Variants in SLC35F1 observed in about 807,000 individuals in gnomAD.
SLC35F1 encodes the protein chromosome 6 open reading frame 169.
A neutral mutation model predicts 48.7 loss-of-function variants in SLC35F1; 14 were observed. The ratio of observed to expected loss-of-function variants is 0.29; its 90% CI spans 0.19 to 0.45. SLC35F1 has a LOEUF of 0.45. Ranked by LOEUF, SLC35F1 falls within the 20% of genes least tolerant of loss-of-function variation. SLC35F1 has a pLI of 1.00. For synonymous variants in SLC35F1, 190 were observed against 202.2 expected, an observed-to-expected ratio of 0.94 and a Z score of 0.51; for missense variants, 404 against 500.0, an observed-to-expected ratio of 0.81 and a Z score of 1.83.
At position 117,916,435 on chromosome 6, in the gene SLC35F1, T is replaced by G. The variant is rs547690512; in HGVS notation, c.173+8536T>G. Among the ~76,000 whole-genome samples, 9 of 152,088 alleles carry G rather than the reference T, an allele frequency of 5.9e-5. No individual in the cohort carries two copies. In the South Asian group the frequency reaches 1.7e-3, roughly 28 times the overall value. ...TAAGAGTGAATTTGGATTCTGGGAG[T>G]GCATCTAATCATGGATGGGGGGAGC... is the stretch of plus-strand genomic sequence containing the variant. On this transcript the variant is annotated intron_variant, in intron 1 of 7. Coordinates refer to ENST00000360388, the MANE Select transcript of SLC35F1 (RefSeq NM_001029858.4).
intron 1 of SLC35F1, among the ~76,000 whole-genome samples, chr6:118,139,059 A>C (rs1455139843): frequency 6.6e-6 from 1 of 152,190 alleles, no homozygotes; most frequent in Non-Finnish European, 1.5e-5. Context: ...TTTCACAGTC[A>C]TGACGAAAAC....
intron 5 of SLC35F1, 38 bp from the exon 6 acceptor site, chr6:118,277,455 TA>T: frequency 6.3e-7 from 1 of 1,582,548 alleles, no homozygotes; most frequent in Non-Finnish European, 8.7e-7. Context: ...GAGTGCATTC[TA>T]ATCTTGCTCA....
At chr6:117,956,218 G>A (rs1776424695) in intron 1 of SLC35F1, among the ~76,000 whole-genome samples, 1 of 152,228 alleles carries the variant, frequency 6.6e-6, no homozygotes, top group African/African-American at 2.4e-5. Context: ...ACAAACAGGT[G>A]TTGGCTTAGG....
At position 118,085,487 on chromosome 6, in the gene SLC35F1, C is replaced by CTTTTTTTTTTTTTTTTTTTTTT. The variant is rs59548308; in HGVS notation, c.174-68951_174-68930dup. 3.0e-4 allele frequency among the ~76,000 whole-genome samples: 17 copies of CTTTTTTTTTTTTTTTTTTTTTT among 56,958 alleles called. 3 individuals are homozygous for CTTTTTTTTTTTTTTTTTTTTTT. Among genetic ancestry groups the CTTTTTTTTTTTTTTTTTTTTTT allele is most frequent in the Non-Finnish European group, 3.7e-4 (12 of 32,640 alleles). The allele number at this position is 56,958 out of a possible 152,430, so 37.4% of individuals were successfully genotyped here. A position where few individuals can be genotyped will look rare whatever the true frequency, so the allele number is the denominator to read the frequency against. The stretch of plus-strand genomic sequence containing the variant: ...TTTTCTCTTTTTTTTTCTTTCTTTC[C>CTTTTTTTTTTTTTTTTTTTTTT]TTTTTTTTTTTTTTTTTTTTTTTTT... On this transcript the variant is annotated intron_variant, in intron 1 of 7. Transcript: ENST00000360388.
intron 2 of SLC35F1, among the ~76,000 whole-genome samples, chr6:118,171,401 T>G (rs1582709778): frequency 6.6e-6 from 1 of 152,228 alleles, no homozygotes; most frequent in South Asian, 2.1e-4. Flanking sequence ...TCATACAAAT[T>G]GTTTCCAATT....
rs1776439845 is a variant in SLC35F1 at position 118,316,555 on chromosome 6, A to T, written c.*2303A>T. ...ATGTTTTCATCTTTGATTCATTTTT[A>T]TGACATTAATTTGTAGACACTTAGT... On this transcript the variant is annotated 3_prime_UTR_variant, in exon 8 of 8. Coordinates refer to ENST00000360388, the MANE Select transcript of SLC35F1 (RefSeq NM_001029858.4). 1 of 152,612 alleles carries T rather than the reference A, an allele frequency of 6.6e-6. No homozygotes were observed. Among genetic ancestry groups the T allele is most frequent in the African/African-American group, 2.4e-5 (1 of 41,444 alleles). 9.5% of individuals were successfully genotyped at this position (152,612 alleles called of 1,614,324 possible).
intron 1 of SLC35F1, among the ~76,000 whole-genome samples, chr6:117,990,601 G>T (rs1776905206): frequency 6.6e-6 from 1 of 152,126 alleles, no homozygotes; most frequent in Non-Finnish European, 1.5e-5. Flanking sequence ...CAGAGTGATT[G>T]CCTGTACACC....
intron 1 of SLC35F1, among the ~76,000 whole-genome samples, chr6:118,137,478 C>A (rs72961889): frequency 6.6e-6 from 1 of 151,866 alleles, no homozygotes; most frequent in Non-Finnish European, 1.5e-5. Flanking sequence ...GGAGTTCCCC[C>A]CTCCTACTCC....
intron 6 of SLC35F1, among the ~76,000 whole-genome samples, chr6:118,284,847 G>A (rs1335757657): frequency 1.3e-5 from 2 of 152,132 alleles, no homozygotes; most frequent in African/African-American, 4.8e-5. Flanking sequence ...CAAAATAGAT[G>A]AGTAGCAAAA....
intron 2 of SLC35F1, among the ~76,000 whole-genome samples, chr6:118,201,959 G>A (rs1349396936): frequency 6.6e-6 from 1 of 152,136 alleles, no homozygotes; most frequent in Non-Finnish European, 1.5e-5. Context: ...CCTTTTTATT[G>A]TAGAGGGTGT....
chr6:118,274,763 A>G (rs1245074119), intron 4 of SLC35F1, among the ~76,000 whole-genome samples: 3 of 152,220 alleles, frequency 2.0e-5, no homozygotes, highest in Non-Finnish European at 4.4e-5. Context: ...TGAATTACAT[A>G]TATTTACACT....
intron 4 of SLC35F1, among the ~76,000 whole-genome samples, chr6:118,271,588 A>T (rs1245490109): frequency 6.6e-6 from 1 of 152,172 alleles, no homozygotes; most frequent in African/African-American, 2.4e-5. Context: ...GAATAATATA[A>T]CTCACCATTT....
At chr6:118,078,750 A>G (rs1030786911) in intron 1 of SLC35F1, among the ~76,000 whole-genome samples, 2 of 152,152 alleles carry the variant, frequency 1.3e-5, no homozygotes, top group Admixed American at 1.3e-4. Context: ...AGGTGCAGAA[A>G]GAAGCTTGGG....
chr6:118,066,564 G>A (rs924379039), intron 1 of SLC35F1, among the ~76,000 whole-genome samples: 1 of 152,098 alleles, frequency 6.6e-6, no homozygotes, highest in Non-Finnish European at 1.5e-5. Flanking sequence ...TCTGAGTAGA[G>A]AATCCAGATA....
chr6:118,255,533 G>A (rs567665085), intron 3 of SLC35F1, among the ~76,000 whole-genome samples: 6 of 152,162 alleles, frequency 3.9e-5, no homozygotes, highest in Middle Eastern at 3.4e-3. Context: ...TGTATGTTCC[G>A]GTCACCTAGA....
At chr6:118,233,106 T>C (rs1173191615) in intron 2 of SLC35F1, among the ~76,000 whole-genome samples, 1 of 152,086 alleles carries the variant, frequency 6.6e-6, no homozygotes, top group African/African-American at 2.4e-5. Flanking sequence ...GCTGGAACTA[T>C]AGGTGTGCAC....
chr6:118,033,334 TA>T (rs1188278321), intron 1 of SLC35F1, among the ~76,000 whole-genome samples: 37 of 152,324 alleles, frequency 2.4e-4, no homozygotes, highest in African/African-American at 8.9e-4. Flanking sequence ...AGTGGCTCAG[TA>T]AATGTTAGCT....
chr6:118,165,807 A>G (rs1582706165), intron 2 of SLC35F1, among the ~76,000 whole-genome samples: 1 of 152,356 alleles, frequency 6.6e-6, no homozygotes, highest in Middle Eastern at 3.4e-3. Flanking sequence ...GTTTGGGCAC[A>G]GGAGCCATAG....
intron 5 of SLC35F1, among the ~76,000 whole-genome samples, chr6:118,276,245 A>G (rs540475121): frequency 1.9e-4 from 29 of 152,364 alleles, no homozygotes; most frequent in Middle Eastern, 3.4e-3. Context: ...TGTTATGAGC[A>G]TAAGTTTCAA....
Sources: gnomAD v4.1 joint callset for allele counts (sites outside exome capture counted in the v4.1 genomes callset) on GRCh38, gnomAD v4.1.1 for gene constraint, MANE v1.5 for transcripts, NCBI Gene and HGNC (gene_info 2026-07-23, HGNC 2026-07-21) for gene names.